Variants in TRRAP observed in about 807,000 individuals in gnomAD.
The protein encoded by TRRAP is transformation/transcription domain associated protein.
Under a neutral mutation model 438.8 loss-of-function variants are expected in TRRAP, and 41 were observed. The observed-to-expected ratio is 0.09, with a 90% CI of 0.07 to 0.12. The LOEUF (loss-of-function observed/expected upper bound fraction) is 0.12, where lower values mean the gene tolerates loss of function less well. Ranked by LOEUF, TRRAP falls within the 10% of genes least tolerant of loss-of-function variation. TRRAP has a pLI of 1.00. For synonymous variants in TRRAP, 1,994 were observed against 1,962.9 expected, an observed-to-expected ratio of 1.02 and a Z score of -0.42; for missense variants, 3,122 against 5,055.1, an observed-to-expected ratio of 0.62 and a Z score of 11.60.
chr7:98,976,408 T>C lies in TRRAP; in HGVS notation c.7960-75T>C. ...TCACTCGAGCGAATTAGGAAAGGTA[T>C]TCTTGCATCGAGAGAGACAGCAAGA... On this transcript the variant is annotated intron_variant, in intron 54 of 72. Transcript: ENST00000456197. The surrounding 1 kb of genome is among the most constrained non-coding windows in gnomAD (Gnocchi z 4.6). 1 of 1,574,338 alleles carries C rather than the reference T, an allele frequency of 6.4e-7. No individual in the cohort carries two copies. The highest frequency in any genetic ancestry group is 8.6e-7 in the Non-Finnish European group (1 of 1,163,026).
intron 45 of TRRAP, among the ~76,000 whole-genome samples, chr7:98,960,278 A>G (rs941785225): frequency 3.3e-5 from 5 of 152,224 alleles, no homozygotes; most frequent in Non-Finnish European, 2.9e-5. Flanking sequence ...TATAAAAACC[A>G]TGATCCTGTG....
chr7:98,971,144 C>T (rs160390), intron 52 of TRRAP, among the ~76,000 whole-genome samples: 2,426 of 152,212 alleles, frequency 0.016, 49 homozygotes, highest in African/African-American at 0.041. Flanking sequence ...TTAATAATTT[C>T]GAATTAAAAT....
At chr7:98,975,098 G>A (rs73155660) in intron 53 of TRRAP, among the ~76,000 whole-genome samples, 4,201 of 152,330 alleles carry the variant, frequency 0.028, 73 homozygotes, top group Non-Finnish European at 0.041. Context: ...GCTGGTCAGG[G>A]TGAAGTGTGT....
At position 98,978,718 on chromosome 7, in the gene TRRAP, C is replaced by T. The variant is rs146928695; in HGVS notation, c.8499-51C>T. 225 of 1,611,624 alleles carry T rather than the reference C, an allele frequency of 1.4e-4. No homozygotes were observed. In the African/African-American group the frequency reaches 2.6e-3, roughly 19 times the overall value. ...AACCCTGTCCCTGCCTTTGTGAATT[C>T]ATGAGTGTGCTGGTGATTGAGCTTT... On this transcript the variant is annotated intron_variant, in intron 57 of 72. Transcript: ENST00000456197.
chr7:98,926,475 T>C (rs1319631360), intron 22 of TRRAP, among the ~76,000 whole-genome samples: 1 of 152,156 alleles, frequency 6.6e-6, no homozygotes, highest in Non-Finnish European at 1.5e-5. Flanking sequence ...GAAAAAAGAA[T>C]TGCCAACTTA....
At chr7:98,958,160 G>A (rs1217897176) in intron 44 of TRRAP, 69 bp downstream of exon 44, 2 of 1,325,684 alleles carry the variant, frequency 1.5e-6, no homozygotes, top group Admixed American at 2.4e-5. Flanking sequence ...ACCCCAGGAG[G>A]TTATCTGTGG....
Position 98,992,191 on chromosome 7 carries a change from A to G in TRRAP, c.9811A>G (p.Thr3271Ala). Residue 3271 changes from threonine (T) to alanine (A), a missense_variant, in exon 65 of 73, where the codon ACC becomes GCC. Coordinates refer to ENST00000456197, the MANE Select transcript of TRRAP (RefSeq NM_001375524.1). ...VYFPIRTLYLTLKIEQRERYK... is the reference protein window; with the variant it reads ...VYFPIRTLYLALKIEQRERYK... ...CTTTCCCATCCGGACCCTGTACCTG[A>G]CCCTGAAAATAGAACAGCGGGAACG... The G allele has an allele frequency of 6.2e-7, 1 of 1,614,076 alleles. No individual in the cohort carries two copies. The highest frequency in any genetic ancestry group is 2.2e-5 in the East Asian group (1 of 44,872).
intron 28 of TRRAP, among the ~76,000 whole-genome samples, chr7:98,936,459 A>G (rs1790561245): frequency 6.6e-6 from 1 of 152,144 alleles, no homozygotes; most frequent in Non-Finnish European, 1.5e-5. Context: ...TGTGGGTGCT[A>G]CTTTTGCTAG....
In TRRAP at chr7:98,956,533, A is replaced by G; in HGVS notation, c.6231A>G (p.Ala2077=). 1 of 1,612,728 alleles carries G rather than the reference A, an allele frequency of 6.2e-7. No individual in the cohort carries two copies. The highest frequency in any genetic ancestry group is 8.5e-7 in the Non-Finnish European group (1 of 1,179,580). ...RFRTATGAIS[A]VFGRSQSLPG... is the part of the protein sequence containing the mutation. Reference sequence around the variant, plus strand: ...GGACGGCCACCGGAGCCATCAGTGCAGTAAGATCATGTGCCTCTGTATGGG... The same window carrying G: ...GGACGGCCACCGGAGCCATCAGTGCGGTAAGATCATGTGCCTCTGTATGGG... Residue 2077 remains alanine, a splice_region_variant and synonymous_variant, in exon 43 of 73, where the codon GCA becomes GCG. Transcript: ENST00000456197. This position sits in a 1 kb window ranked among gnomAD's most constrained non-coding sequence, Gnocchi z 4.5.
intron 53 of TRRAP, among the ~76,000 whole-genome samples, chr7:98,975,152 AG>A (rs1272924408): frequency 6.6e-6 from 1 of 152,356 alleles, no homozygotes; most frequent in East Asian, 1.9e-4. Context: ...CAGTCCTCAC[AG>A]GGCAGCCTGA....
chr7:98,890,485 G>C lies in TRRAP; in HGVS notation c.261+40G>C, dbSNP rs201507045. 422 of 1,445,126 alleles carry C rather than the reference G, an allele frequency of 2.9e-4. 1 individual carries two copies. The highest frequency in any genetic ancestry group is 3.8e-4 in the Non-Finnish European group (404 of 1,069,176). 89.5% of individuals were successfully genotyped at this position (1,445,126 alleles called of 1,614,324 possible). A position where few individuals can be genotyped will look rare whatever the true frequency, so the allele number is the denominator to read the frequency against. On this transcript the variant is annotated intron_variant, in intron 4 of 72. Transcript: ENST00000456197. Reference sequence around the variant, plus strand: ...TAACATGAGAAGACAAGGGTGCTGTGGGATTGTGACCAGTTACGAATTAAC... The same window carrying C: ...TAACATGAGAAGACAAGGGTGCTGTCGGATTGTGACCAGTTACGAATTAAC...
At chr7:98,942,857 A>G (rs1790861414) in intron 30 of TRRAP, 92 bp from the exon 31 acceptor site, 1 of 1,412,414 alleles carries the variant, frequency 7.1e-7, no homozygotes, top group Non-Finnish European at 9.9e-7. Context: ...TTCTCACACT[A>G]AACACGATGG....
At chr7:98,935,512 T>C (rs1939896429) in intron 27 of TRRAP, 67 bp from the exon 28 acceptor site, 5 of 1,415,346 alleles carry the variant, frequency 3.5e-6, no homozygotes, top group Non-Finnish European at 4.9e-6. Flanking sequence ...CTGTGTTCTG[T>C]TATTTGCAAG....
chr7:98,998,325 C>G (rs1014874611), intron 67 of TRRAP, among the ~76,000 whole-genome samples: 2 of 151,960 alleles, frequency 1.3e-5, no homozygotes, highest in Non-Finnish European at 2.9e-5. Flanking sequence ...ATTTTCTGAA[C>G]CTTTGGCTTA....
rs549370622 is a variant in TRRAP at position 98,946,526 on chromosome 7, C to T, written c.4548+576C>T. Among the ~76,000 whole-genome samples, 40 of 149,180 alleles carry T rather than the reference C, an allele frequency of 2.7e-4. No homozygotes were observed. In the South Asian group the frequency reaches 5.2e-3, roughly 19 times the overall value. ...CACCACACATGCACACACACCAGTGCACTCACAACATACATGCACTCACAC... is the reference window on the plus strand; with the variant it reads ...CACCACACATGCACACACACCAGTGTACTCACAACATACATGCACTCACAC... On this transcript the variant is annotated intron_variant, in intron 33 of 72. Coordinates refer to ENST00000456197, the MANE Select transcript of TRRAP (RefSeq NM_001375524.1).
intron 21 of TRRAP, among the ~76,000 whole-genome samples, chr7:98,924,127 C>T (rs535761688): frequency 6.6e-6 from 1 of 152,194 alleles, no homozygotes; most frequent in African/African-American, 2.4e-5. Flanking sequence ...TCTTGAAGAG[C>T]ATGTAGGTGA....
rs779353118 is a variant in TRRAP, at chr7:99,011,505, C to T, written c.11307C>T (p.Val3769=). Residue 3769 remains valine (V), a synonymous_variant, in exon 72 of 73, where the codon GTC becomes GTT. Transcript: ENST00000456197. The surrounding 1 kb of genome is among the most constrained non-coding windows in gnomAD (Gnocchi z 7.1). ...SGPLTASMIA[V]ARCFAQPNFK... ...CGTTGACAGCGTCCATGATTGCGGT[C>T]GCCCGGTGCTTCGCCCAGCCAAACT... 1.6e-5 allele frequency: 26 copies of T among 1,614,026 alleles called. No individual in the cohort carries two copies. Among genetic ancestry groups the T allele is most frequent in the Admixed American group, 1.3e-4 (8 of 59,984 alleles).
chr7:98,939,417 G>A (rs369284513), intron 30 of TRRAP, among the ~76,000 whole-genome samples: 16 of 152,132 alleles, frequency 1.1e-4, no homozygotes, highest in Admixed American at 9.2e-4. Context: ...TGAAAGACAC[G>A]TAGCTTTTTA....
intron 28 of TRRAP, among the ~76,000 whole-genome samples, chr7:98,936,949 C>G (rs1370736170): frequency 6.6e-6 from 1 of 152,120 alleles, no homozygotes; most frequent in African/African-American, 2.4e-5. Flanking sequence ...GAAAATTCAG[C>G]CGGGGGCAGT....
Sources: allele counts gnomAD v4.1 joint callset (sites outside exome capture counted in the v4.1 genomes callset), GRCh38; gene constraint gnomAD v4.1.1; non-coding constraint Gnocchi (gnomAD v3.1); transcripts MANE v1.5; gene names NCBI Gene and HGNC (gene_info 2026-07-23, HGNC 2026-07-21).